Variants in WAC observed in about 807,000 individuals in gnomAD.
WAC encodes the protein WW domain-containing adapter protein with coiled-coil.
In WAC, 11 loss-of-function variants were observed where a neutral mutation model predicts 79.6. The ratio of observed to expected loss-of-function variants is 0.14; its 90% CI spans 0.09 to 0.23. The LOEUF is 0.23. Among genes scored for constraint, WAC ranks in the 10% least tolerant of loss-of-function variants. The pLI, the probability that WAC is intolerant of heterozygous loss-of-function variation, is 1.00. For missense variants in WAC, 728 were observed against 773.5 expected, an observed-to-expected ratio of 0.94 and a Z score of 0.70; for synonymous variants, 304 against 276.9, an observed-to-expected ratio of 1.10 and a Z score of -0.97.
chr10:28,544,068 A>T (rs1393711621), intron 3 of WAC, among the ~76,000 whole-genome samples: 1 of 152,134 alleles, frequency 6.6e-6, no homozygotes, highest in Non-Finnish European at 1.5e-5. Flanking sequence ...TTTTTAGTAG[A>T]GACAGGGTTT....
intron 13 of WAC, among the ~76,000 whole-genome samples, chr10:28,619,183 GC>G (rs1371992207): frequency 1.3e-5 from 2 of 152,168 alleles, no homozygotes; most frequent in African/African-American, 4.8e-5. Context: ...GGAGGCTGAG[GC>G]AGGGAGAATT....
At chr10:28,555,771 A>G (rs887684015) in intron 3 of WAC, among the ~76,000 whole-genome samples, 2 of 152,104 alleles carry the variant, frequency 1.3e-5, no homozygotes, top group Non-Finnish European at 2.9e-5. Flanking sequence ...GGCCCCCATG[A>G]TGGCATTGGT....
chr10:28,610,900 G>A (rs985056915), intron 9 of WAC, 79 bp downstream of exon 9: 39 of 1,370,860 alleles, frequency 2.8e-5, no homozygotes, highest in Non-Finnish European at 3.5e-5. Flanking sequence ...TTTGTATTTA[G>A]TTTTTTCTTT....
At chr10:28,572,305 C>A (rs533488823) in intron 3 of WAC, among the ~76,000 whole-genome samples, 1 of 149,308 alleles carries the variant, frequency 6.7e-6, no homozygotes, top group South Asian at 2.1e-4. Flanking sequence ...CCACTGCACT[C>A]CAGCCTGGGC....
At chr10:28,553,764 A>T (rs1837833507) in intron 3 of WAC, among the ~76,000 whole-genome samples, 1 of 152,230 alleles carries the variant, frequency 6.6e-6, no homozygotes, top group Non-Finnish European at 1.5e-5. Flanking sequence ...GGGGAATAAA[A>T]GGATGGTTGT....
In WAC at chr10:28,533,534, G is replaced by T. The variant is rs751884171; in HGVS notation, c.-46G>T. ...GCCTGCGCGCCCGCCCGCCTTTCGC[G>T]GCCGCTCTCCCCCCTCCCCGACACA... On this transcript the variant is annotated 5_prime_UTR_variant, in exon 1 of 14. Coordinates refer to ENST00000354911, the MANE Select transcript of WAC (RefSeq NM_016628.5). 6.4e-6 allele frequency: 8 copies of T among 1,248,604 alleles called. No homozygotes were observed. The highest frequency in any genetic ancestry group is 8.2e-6 in the Non-Finnish European group (8 of 969,738). 77.3% of individuals were successfully genotyped at this position (1,248,604 alleles called of 1,614,324 possible).
chr10:28,534,231 C>T (rs780350788), intron 2 of WAC, 197 bp downstream of exon 2: 20 of 474,290 alleles, frequency 4.2e-5, no homozygotes, highest in Non-Finnish European at 6.6e-5. Context: ...CTTATTTTGA[C>T]AGGTGACTGG....
intron 9 of WAC, 91 bp from the exon 10 acceptor site, chr10:28,611,683 A>G: frequency 6.7e-7 from 1 of 1,497,640 alleles, no homozygotes; most frequent in Non-Finnish European, 9.0e-7. Flanking sequence ...TTAGAGTAAT[A>G]CAAATATCTT....
Position 28,619,960 on chromosome 10 carries a change from TAAAAAAAAA to T in WAC, c.*365_*373del, listed in dbSNP as rs35294532. On this transcript the variant is annotated 3_prime_UTR_variant, in exon 14 of 14. Coordinates refer to ENST00000354911, the MANE Select transcript of WAC (RefSeq NM_016628.5). ...AACCTGTCTGCAAAATTAGCTTTTTTAAAAAAAAAAAAAAAAAAATTGGGGGGGTTAATT... is the reference window on the plus strand; with the variant it reads ...AACCTGTCTGCAAAATTAGCTTTTTTAAAAAAAAAATTGGGGGGGTTAATT... The T allele has an allele frequency of 7.0e-6, 1 of 142,082 alleles. No homozygotes were observed. The highest frequency in any genetic ancestry group is 2.0e-4 in the East Asian group (1 of 4,906). The allele number at this position is 142,082 out of a possible 1,614,324, so 8.8% of individuals were successfully genotyped here.
chr10:28,596,001 A>C lies in WAC; in HGVS notation c.879A>C (p.Thr293=), dbSNP rs998065676. 2 of 1,613,968 alleles carry C rather than the reference A, an allele frequency of 1.2e-6. No homozygotes were observed. The highest frequency in any genetic ancestry group is 1.7e-5 in the Admixed American group (1 of 59,976). The part of the protein sequence containing the change: ...NGASTLSKLP[T]PTSSVPAQKT... ...CATCTACTTTATCAAAACTGCCTACACCCACATCTTCTGTCCCTGCACAGA... is the reference window on the plus strand; with the variant it reads ...CATCTACTTTATCAAAACTGCCTACCCCCACATCTTCTGTCCCTGCACAGA... Residue 293 remains threonine (T), a synonymous_variant, in exon 7 of 14, where the codon ACA becomes ACC. Transcript: ENST00000354911.
At position 28,616,241 on chromosome 10, in the gene WAC, T is replaced by C. The variant is rs753994133; in HGVS notation, c.1625T>C (p.Val542Ala). 6.2e-7 allele frequency: 1 copy of C among 1,614,020 alleles called. No individual in the cohort carries two copies. The change falls in exon 12 of 14, where the codon GTT becomes GCT. Residue 542 changes from valine to alanine, a missense_variant. Val to Ala is a moderately conservative substitution (Grantham distance 64). Coordinates refer to ENST00000354911, the MANE Select transcript of WAC (RefSeq NM_016628.5). Reference sequence around the variant, plus strand: ...AGTAGTAATGCATCAAATGCAACAGTTGTACCACAGAATTCTTCTGCCCGA... The same window carrying C: ...AGTAGTAATGCATCAAATGCAACAGCTGTACCACAGAATTCTTCTGCCCGA... The part of the protein sequence containing the change: ...SNSSNASNAT[V>A]VPQNSSARST...
intron 3 of WAC, among the ~76,000 whole-genome samples, chr10:28,564,385 T>A (rs1488631500): frequency 2.6e-5 from 4 of 152,312 alleles, no homozygotes; most frequent in Admixed American, 2.6e-4. Flanking sequence ...TGATGCTGAC[T>A]GAAGTCATAG....
At chr10:28,549,127 G>C (rs1269017153) in intron 3 of WAC, among the ~76,000 whole-genome samples, 2 of 151,842 alleles carry the variant, frequency 1.3e-5, no homozygotes, top group African/African-American at 4.8e-5. Context: ...TTGAACTCCT[G>C]GCTTTAAGTA....
At chr10:28,614,360 T>G (rs1045232801) in intron 10 of WAC, among the ~76,000 whole-genome samples, 2 of 152,238 alleles carry the variant, frequency 1.3e-5, no homozygotes, top group African/African-American at 4.8e-5. Flanking sequence ...CCCAAAGTGC[T>G]GGGATTACAG....
At chr10:28,610,533 T>C (rs1841184416) in intron 8 of WAC, among the ~76,000 whole-genome samples, 166 bp from the exon 9 acceptor site, 1 of 151,430 alleles carries the variant, frequency 6.6e-6, no homozygotes, top group Non-Finnish European at 1.5e-5. Flanking sequence ...TCAGATCATT[T>C]CAAATTTGGG....
intron 3 of WAC, among the ~76,000 whole-genome samples, chr10:28,561,588 CT>C (rs529482231): frequency 0.012 from 1,789 of 152,008 alleles, 19 homozygotes; most frequent in Non-Finnish European, 0.02. Context: ...GATTATGGAA[CT>C]TTTAAGTTTT....
intron 4 of WAC, among the ~76,000 whole-genome samples, chr10:28,587,462 G>A (rs1392671222): frequency 6.6e-6 from 1 of 152,218 alleles, no homozygotes; most frequent in Non-Finnish European, 1.5e-5. Context: ...TTCTGGTCTT[G>A]TGAAAGGCTG....
chr10:28,556,388 A>ATTTTTTTTTT lies in WAC; in HGVS notation c.274+20649_274+20658dup, dbSNP rs764934182. On this transcript the variant is annotated intron_variant, in intron 3 of 13. Transcript: ENST00000354911. ...TAGATTCAATTTCGTTGCCCATTAA[A>ATTTTTTTTTT]TTTTTTTTTTTTTTTTTTTTTTTTT... 5.2e-3 allele frequency among the ~76,000 whole-genome samples: 285 copies of ATTTTTTTTTT among 55,084 alleles called. 43 individuals carry two copies. Among genetic ancestry groups the ATTTTTTTTTT allele is most frequent in the East Asian group, 0.016 (26 of 1,596 alleles). The allele number at this position is 55,084 out of a possible 152,430, so 36.1% of individuals were successfully genotyped here.
chr10:28,557,459 G>A (rs1037876345), intron 3 of WAC, among the ~76,000 whole-genome samples: 8 of 152,132 alleles, frequency 5.3e-5, no homozygotes, highest in Non-Finnish European at 2.9e-5. Context: ...ACATGGGGAG[G>A]CCAAGGTGGG....
Sources: allele counts gnomAD v4.1 joint callset (sites outside exome capture counted in the v4.1 genomes callset), GRCh38; gene constraint gnomAD v4.1.1; transcripts MANE v1.5; gene names NCBI Gene and HGNC (gene_info 2026-07-23, HGNC 2026-07-21).